TMEM131L: variants seen among roughly 807,000 people sequenced by gnomAD.
The protein encoded by TMEM131L is transmembrane protein 131-like.
TMEM131L carries 54 observed loss-of-function variants against 192.2 expected under a neutral mutation model. That is an observed-to-expected ratio of 0.28 (90% confidence interval 0.23 to 0.35). The LOEUF is 0.35. TMEM131L is among the 10% of genes least tolerant of loss of function. The probability of loss-of-function intolerance (pLI) is 1.00; values close to 1 mark genes in which losing one functional copy is unlikely to be tolerated. For synonymous variants in TMEM131L, 701 were observed against 704.9 expected (o/e 0.99, Z 0.09); for missense variants, 1,888 against 1,972.9 (o/e 0.96, Z 0.82).
At chr4:153,546,964 T>C (rs777605766) in intron 3 of TMEM131L, among the ~76,000 whole-genome samples, 10 of 152,180 alleles carry the variant, frequency 6.6e-5, no homozygotes, top group Non-Finnish European at 7.4e-5. Context: ...AACATATGCA[T>C]GTGTAAGTAC....
At chr4:153,466,741 G>A (rs1730776473) in intron 1 of TMEM131L, among the ~76,000 whole-genome samples, 1 of 152,184 alleles carries the variant, frequency 6.6e-6, no homozygotes, top group Admixed American at 6.5e-5. Context: ...GGCAGTCGCG[G>A]GGCTTGGGGA....
chr4:153,546,789 T>C (rs2150376579), intron 3 of TMEM131L, among the ~76,000 whole-genome samples: 1 of 152,298 alleles, frequency 6.6e-6, no homozygotes, highest in South Asian at 2.1e-4. Context: ...TAGCCAGACC[T>C]AATGGCGCAT....
At chr4:153,609,431 C>T (rs1349768139) in intron 25 of TMEM131L, among the ~76,000 whole-genome samples, 1 of 152,194 alleles carries the variant, frequency 6.6e-6, no homozygotes, top group Non-Finnish European at 1.5e-5. Context: ...TTGAGGATTA[C>T]AATTTGACAT....
At chr4:153,592,884 G>T (rs1443827998) in intron 18 of TMEM131L, among the ~76,000 whole-genome samples, 1 of 152,084 alleles carries the variant, frequency 6.6e-6, no homozygotes, top group Non-Finnish European at 1.5e-5. Flanking sequence ...CTAATATTTA[G>T]ACTCACAATC....
intron 31 of TMEM131L, among the ~76,000 whole-genome samples, chr4:153,629,543 C>T (rs1337662401): frequency 6.6e-6 from 1 of 152,212 alleles, no homozygotes; most frequent in Non-Finnish European, 1.5e-5. Flanking sequence ...TCAGTGGCTG[C>T]TCTGTTTCTC....
intron 19 of TMEM131L, 46 bp from the exon 20 acceptor site, chr4:153,596,212 G>A: frequency 6.2e-7 from 1 of 1,606,824 alleles, no homozygotes; most frequent in Non-Finnish European, 8.5e-7. Flanking sequence ...GACAATGGAA[G>A]CTTGCTTTCT....
intron 3 of TMEM131L, among the ~76,000 whole-genome samples, chr4:153,488,634 A>G (rs575914450): frequency 2.5e-4 from 38 of 152,298 alleles, no homozygotes; most frequent in African/African-American, 8.9e-4. Context: ...GGCTGGATGG[A>G]GTAGGGCAAC....
chr4:153,558,372 A>T lies in TMEM131L; in HGVS notation c.660+4A>T. ...CATTCAGCTGTCTCAAATGCAGGTC[A>T]TTTTAATAGATTTACTTTGAATGCT... On this transcript the variant is annotated splice_donor_region_variant and intron_variant, in intron 7 of 34. Coordinates refer to ENST00000409959, the MANE Select transcript of TMEM131L (RefSeq NM_001131007.2). 1 of 1,544,772 alleles carries T rather than the reference A, an allele frequency of 6.5e-7. No homozygotes were observed. Among genetic ancestry groups the T allele is most frequent in the Non-Finnish European group, 8.9e-7 (1 of 1,122,190 alleles).
At chr4:153,488,385 T>C (rs1732515213) in intron 3 of TMEM131L, among the ~76,000 whole-genome samples, 1 of 152,200 alleles carries the variant, frequency 6.6e-6, no homozygotes, top group Non-Finnish European at 1.5e-5. Context: ...GTCCTGCAGC[T>C]GGAGGGCCAG....
intron 3 of TMEM131L, among the ~76,000 whole-genome samples, chr4:153,499,833 G>GT (rs1264042180): frequency 6.6e-6 from 1 of 152,182 alleles, no homozygotes. Context: ...CTCTCTCATT[G>GT]TAAAGATGTT....
intron 7 of TMEM131L, among the ~76,000 whole-genome samples, chr4:153,567,881 A>G (rs1231717882): frequency 6.6e-6 from 1 of 152,136 alleles, no homozygotes; most frequent in Non-Finnish European, 1.5e-5. Context: ...ATAAGGCACC[A>G]AACTTTGAAC....
chr4:153,585,645 T>G (rs1461625638), intron 13 of TMEM131L, 34 bp downstream of exon 13: 1 of 1,523,228 alleles, frequency 6.6e-7, no homozygotes, highest in Non-Finnish European at 8.9e-7. Context: ...AGTTTTAGCT[T>G]ATTTTAAGCT....
Position 153,595,420 on chromosome 4 carries a change from C to T in TMEM131L, c.1996-838C>T, listed in dbSNP as rs1242691613. Among the ~76,000 whole-genome samples the T allele has an allele frequency of 2.0e-5, 3 of 151,760 alleles. No homozygotes were observed. In the East Asian group the frequency reaches 5.8e-4, roughly 29 times the overall value. ...TACCTGCGTAAAGCAGGGTTTCTTCCTTCATGGAGTTTATAATTCTAATAA... is the reference window on the plus strand; with the variant it reads ...TACCTGCGTAAAGCAGGGTTTCTTCTTTCATGGAGTTTATAATTCTAATAA... On this transcript the variant is annotated intron_variant, in intron 19 of 34. Transcript: ENST00000409959.
intron 1 of TMEM131L, among the ~76,000 whole-genome samples, chr4:153,467,003 C>G (rs1035182895): frequency 2.0e-5 from 3 of 152,152 alleles, no homozygotes; most frequent in African/African-American, 7.2e-5. Flanking sequence ...TGCCTGCACG[C>G]TGTCGCCTTC....
chr4:153,487,925 G>A (rs1732468598), intron 3 of TMEM131L, among the ~76,000 whole-genome samples: 1 of 151,520 alleles, frequency 6.6e-6, no homozygotes, highest in Non-Finnish European at 1.5e-5. Context: ...GTGTTTGTGA[G>A]TGCGAGAGAG....
At chr4:153,533,812 C>T (rs921727644) in intron 3 of TMEM131L, among the ~76,000 whole-genome samples, 2 of 152,146 alleles carry the variant, frequency 1.3e-5, no homozygotes, top group African/African-American at 4.8e-5. Flanking sequence ...AGTTGTCTTG[C>T]CCTCTAACAT....
chr4:153,525,640 C>T (rs1048715034), intron 3 of TMEM131L, among the ~76,000 whole-genome samples: 1 of 151,670 alleles, frequency 6.6e-6, no homozygotes, highest in East Asian at 2.0e-4. Flanking sequence ...GTGCCCAGCC[C>T]TTTTTCTTTC....
rs1169803468 is a variant in TMEM131L at position 153,555,938 on chromosome 4, A to G, written c.432+28A>G. ...GGGTGTTGATGGACTCCTGGAAACT[A>G]TGCCGTGGCAGGCAGCCAGGTTTTC... is the stretch of plus-strand genomic sequence containing the variant. On this transcript the variant is annotated intron_variant, in intron 5 of 34. Coordinates refer to ENST00000409959, the MANE Select transcript of TMEM131L (RefSeq NM_001131007.2). The surrounding 1 kb of genome is among the most constrained non-coding windows in gnomAD (Gnocchi z 4.1). 6 of 1,544,234 alleles carry G rather than the reference A, an allele frequency of 3.9e-6. No individual in the cohort carries two copies. The highest frequency in any genetic ancestry group is 8.7e-7 in the Non-Finnish European group (1 of 1,142,926).
chr4:153,539,360 C>A (rs959668125), intron 3 of TMEM131L, among the ~76,000 whole-genome samples: 2 of 152,102 alleles, frequency 1.3e-5, no homozygotes, highest in Non-Finnish European at 2.9e-5. Context: ...TATAAGTGAG[C>A]TTGGTGATAG....
Sources: allele counts gnomAD v4.1 joint callset (sites outside exome capture counted in the v4.1 genomes callset), GRCh38; gene constraint gnomAD v4.1.1; non-coding constraint Gnocchi (gnomAD v3.1); transcripts MANE v1.5; gene names NCBI Gene and HGNC (gene_info 2026-07-23, HGNC 2026-07-21).